ZNF701: variants seen among roughly 807,000 people sequenced by gnomAD.
ZNF701 encodes the protein zinc finger protein 701.
A neutral mutation model predicts 7.1 loss-of-function variants in ZNF701; 6 were observed. The observed-to-expected ratio is 0.84, with a 90% CI of 0.46 to 1.66. The LOEUF (loss-of-function observed/expected upper bound fraction) is 1.66. Among genes scored for constraint, ZNF701 ranks in the 40% most tolerant of loss-of-function variants. The pLI, the probability that ZNF701 is intolerant of heterozygous loss-of-function variation, is 0.01. For missense variants in ZNF701, 541 were observed against 559.2 expected (o/e 0.97, Z 0.33); for synonymous variants, 166 against 188.2 (o/e 0.88, Z 0.97).
At chr19:52,599,471 A>C in the ZNF701 span, among the ~76,000 whole-genome samples, 1 of 152,184 alleles carries the variant, frequency 6.6e-6, no homozygotes, top group African/African-American at 2.4e-5. Flanking sequence ...GTAATTAAGA[A>C]GACTAAGTAG....
chr19:52,592,214 A>G, the ZNF701 span: 1 of 1,578,444 alleles, frequency 6.3e-7, no homozygotes, highest in Non-Finnish European at 8.7e-7. Flanking sequence ...AACTACAGGA[A>G]CCTGGAGTTT....
At chr19:52,596,637 GT>G in the ZNF701 span, 1 of 438,396 alleles carries the variant, frequency 2.3e-6, no homozygotes, top group Non-Finnish European at 4.6e-6. Context: ...TTGTGACAAG[GT>G]TTTCCACCAT....
Position 52,582,762 on chromosome 19 carries a change from A to T in ZNF701, c.703A>T (p.Ile235Leu). The change falls in exon 4 of 4, where the codon ATA becomes TTA. Residue 235 changes from isoleucine to leucine, a missense_variant. Transcript: ENST00000391785. The stretch of plus-strand genomic sequence containing the variant: ...TAGCTCACTCTTAAAAAAACATCAG[A>T]TAATCCATTTAGGAGACAAACAGTA... ...NGSSLLKKHQIIHLGDKQYKC... is the reference protein window; with the variant it reads ...NGSSLLKKHQLIHLGDKQYKC... 1 of 1,614,224 alleles carries T rather than the reference A, an allele frequency of 6.2e-7. No homozygotes were observed. Among genetic ancestry groups the T allele is most frequent in the East Asian group, 2.2e-5 (1 of 44,888 alleles).
rs2059900046 is a variant in ZNF701 at position 52,571,552 on chromosome 19, G to A, written c.-72+1222G>A. 2.0e-5 allele frequency among the ~76,000 whole-genome samples: 3 copies of A among 152,088 alleles called. No individual in the cohort carries two copies. In the South Asian group the frequency reaches 6.2e-4, roughly 32 times the overall value. ...TTTTTGTATTTTTAGTAGAGACGGGGTTTCACCATGTTGGCCAGGCTGGTC... is the reference window on the plus strand; with the variant it reads ...TTTTTGTATTTTTAGTAGAGACGGGATTTCACCATGTTGGCCAGGCTGGTC... On this transcript the variant is annotated intron_variant, in intron 1 of 3. Coordinates refer to ENST00000391785, the MANE Select transcript of ZNF701 (RefSeq NM_018260.3).
At chr19:52,599,594 GC>G in the ZNF701 span, among the ~76,000 whole-genome samples, 1 of 152,070 alleles carries the variant, frequency 6.6e-6, no homozygotes, top group Non-Finnish European at 1.5e-5. Context: ...CTATGCACTG[GC>G]CCAGAATAAA....
At chr19:52,571,202 G>C (rs1395763205) in intron 1 of ZNF701, among the ~76,000 whole-genome samples, 1 of 151,662 alleles carries the variant, frequency 6.6e-6, no homozygotes, top group Non-Finnish European at 1.5e-5. Context: ...GCAAGGTAGA[G>C]AGGGGCAGCA....
chr19:52,574,871 A>C (rs146532310), intron 2 of ZNF701, among the ~76,000 whole-genome samples: 172 of 152,328 alleles, frequency 1.1e-3, no homozygotes, highest in Admixed American at 1.6e-3. Flanking sequence ...TTTTTCTCAA[A>C]TATGGGAGCA....
chr19:52,582,275 G>T lies in ZNF701; in HGVS notation c.216G>T (p.Gly72=). The T allele has an allele frequency of 6.2e-7, 1 of 1,613,182 alleles. No homozygotes were observed. Among genetic ancestry groups the T allele is most frequent in the African/African-American group, 1.3e-5 (1 of 74,978 alleles). Reference sequence around the variant, plus strand: ...GCAATACAGAAGTGGTCCACACAGGGACATTGCAAATACATGCAAGTCATC... The same window carrying T: ...GCAATACAGAAGTGGTCCACACAGGTACATTGCAAATACATGCAAGTCATC... ...GQGNTEVVHT[G]TLQIHASHHI... is the part of the protein sequence containing the mutation. Residue 72 remains glycine (G), a synonymous_variant, in exon 4 of 4, where the codon GGG becomes GGT. Coordinates refer to ENST00000391785, the MANE Select transcript of ZNF701 (RefSeq NM_018260.3).
chr19:52,591,858 A>G (rs1436511007), downstream of ZNF701, among the ~76,000 whole-genome samples: 1 of 152,182 alleles, frequency 6.6e-6, no homozygotes, highest in Non-Finnish European at 1.5e-5. Context: ...ACCTGGCCAT[A>G]TATTTTTTAT....
At chr19:52,581,117 A>T (rs1244688215) in intron 3 of ZNF701, among the ~76,000 whole-genome samples, 1 of 152,126 alleles carries the variant, frequency 6.6e-6, no homozygotes, top group East Asian at 1.9e-4. Context: ...GTGAGACTCC[A>T]TCTCAAAAAA....
At chr19:52,593,353 C>T in the ZNF701 span, among the ~76,000 whole-genome samples, 11 of 116,164 alleles carry the variant, frequency 9.5e-5, 4 homozygotes, top group East Asian at 6.8e-4. Flanking sequence ...CCAGTAGGCG[C>T]GGCCGGGCAG....
At chr19:52,592,086 C>T, downstream of ZNF701, 1 of 924,898 alleles carries the variant, frequency 1.1e-6, no homozygotes, top group Non-Finnish European at 1.7e-6. Flanking sequence ...TTGTTGAAAT[C>T]TGTCTTTCAT....
rs1159230174 is a variant in ZNF701, at chr19:52,579,103, G to T, written c.142+3082G>T. 3.5e-5 allele frequency among the ~76,000 whole-genome samples: 5 copies of T among 143,080 alleles called. 1 individual carries two copies. Among genetic ancestry groups the T allele is most frequent in the African/African-American group, 1.5e-4 (5 of 33,458 alleles). The allele number at this position is 143,080 out of a possible 152,430, so 93.9% of individuals were successfully genotyped here. On this transcript the variant is annotated intron_variant, in intron 3 of 3. Transcript: ENST00000391785. ...TGTGTTGTATAGATAAAATAAAAAG[G>T]CATGAAAAAAACACTGTACATATAT...
chr19:52,579,362 A>G (rs576345291), intron 3 of ZNF701, among the ~76,000 whole-genome samples: 4 of 139,938 alleles, frequency 2.9e-5, no homozygotes, highest in South Asian at 2.1e-4. Context: ...CGTCTCTACT[A>G]AAAATACAAA....
At chr19:52,572,396 C>A in intron 1 of ZNF701, 1 of 1,287,946 alleles carries the variant, frequency 7.8e-7, no homozygotes, top group Non-Finnish European at 1.0e-6. Context: ...TGTACATCTG[C>A]ATTTTATAAA....
rs144100503 is a variant in ZNF701, at chr19:52,573,406, T to C, written c.-71-671T>C. On this transcript the variant is annotated intron_variant, in intron 1 of 3. Transcript: ENST00000391785. ...CAATGCCCACCAAGCCCAGCTACTT[T>C]TTGTATTTTTAGTAGATATGGGGTT... 4.3e-3 allele frequency among the ~76,000 whole-genome samples: 647 copies of C among 152,160 alleles called. 5 individuals are homozygous for C. The highest frequency in any genetic ancestry group is 0.015 in the African/African-American group (621 of 41,522).
In ZNF701 at chr19:52,583,645, A is replaced by G; in HGVS notation, c.*188A>G. 8.3e-7 allele frequency: 1 copy of G among 1,205,310 alleles called. No homozygotes were observed. Among genetic ancestry groups the G allele is most frequent in the Non-Finnish European group, 1.2e-6 (1 of 809,848 alleles). The allele number at this position is 1,205,310 out of a possible 1,614,324, so 74.7% of individuals were successfully genotyped here. A position where few individuals can be genotyped will look rare whatever the true frequency, so the allele number is the denominator to read the frequency against. On this transcript the variant is annotated 3_prime_UTR_variant, in exon 4 of 4. Transcript: ENST00000391785. ...TACAAATGTAAGGTTTGTGACAAGG[A>G]TTTCGGGTGTGATTCACACCTGGCC...
At chr19:52,575,106 A>T (rs2059924877) in intron 2 of ZNF701, among the ~76,000 whole-genome samples, 2 of 152,070 alleles carry the variant, frequency 1.3e-5, no homozygotes, top group South Asian at 4.1e-4. Context: ...AGTAGCTGGG[A>T]CTACAGGCAC....
rs1435701477 is a variant in ZNF701 at position 52,582,668 on chromosome 19, A to G, written c.609A>G (p.Thr203=). ...RNNFLQSSLL[T]QKREVHTREK... ...ATTTCCTCCAGTCTTCATTACTCAC[A>G]CAAAAACGGGAAGTACACACAAGAG... Residue 203 remains threonine, a synonymous_variant, in exon 4 of 4, where the codon ACA becomes ACG. Transcript: ENST00000391785. 3 of 1,614,058 alleles carry G rather than the reference A, an allele frequency of 1.9e-6. No individual in the cohort carries two copies. Among genetic ancestry groups the G allele is most frequent in the Non-Finnish European group, 2.5e-6 (3 of 1,180,030 alleles).
Sources: allele counts gnomAD v4.1 joint callset (sites outside exome capture counted in the v4.1 genomes callset), GRCh38; gene constraint gnomAD v4.1.1; transcripts MANE v1.5; gene names NCBI Gene and HGNC (gene_info 2026-07-23, HGNC 2026-07-21).